PPP1R12B: variants seen among roughly 807,000 people sequenced by gnomAD.
PPP1R12B encodes myosin phosphatase target subunit 2.
Under a neutral mutation model 126.1 loss-of-function variants are expected in PPP1R12B, and 76 were observed. That is an observed-to-expected ratio of 0.60 (90% CI 0.50 to 0.73). The LOEUF is 0.73. Among genes scored for constraint, PPP1R12B ranks in the 30% least tolerant of loss-of-function variants. The pLI, the probability that PPP1R12B is intolerant of heterozygous loss-of-function variation, is 0.00. For missense variants in PPP1R12B, 1,052 were observed against 1,205.1 expected (o/e 0.87, Z 1.88); for synonymous variants, 356 against 434.7 (o/e 0.82, Z 2.25).
intron 18 of PPP1R12B, among the ~76,000 whole-genome samples, chr1:202,522,032 A>C (rs1682841508): frequency 6.6e-6 from 1 of 152,210 alleles, no homozygotes; most frequent in South Asian, 2.1e-4. Context: ...AGATACCAGA[A>C]AACTGACTAG....
chr1:202,366,630 A>C (rs1286246827), intron 1 of PPP1R12B, among the ~76,000 whole-genome samples: 1 of 152,140 alleles, frequency 6.6e-6, no homozygotes, highest in Non-Finnish European at 1.5e-5. Flanking sequence ...TGAATATTAA[A>C]TAAATAGACT....
chr1:202,523,440 C>T (rs1181290911), intron 18 of PPP1R12B, among the ~76,000 whole-genome samples: 1 of 152,090 alleles, frequency 6.6e-6, no homozygotes, highest in Non-Finnish European at 1.5e-5. Flanking sequence ...AAGGAGTTAG[C>T]CACAAAGATA....
chr1:202,373,517 A>G (rs1387045333), intron 1 of PPP1R12B, among the ~76,000 whole-genome samples: 2 of 152,104 alleles, frequency 1.3e-5, no homozygotes, highest in Non-Finnish European at 2.9e-5. Flanking sequence ...AGGGGGGTCC[A>G]TCTTTATTCT....
At chr1:202,437,106 G>A (rs1476957521) in intron 9 of PPP1R12B, among the ~76,000 whole-genome samples, 1 of 152,106 alleles carries the variant, frequency 6.6e-6, no homozygotes, top group Non-Finnish European at 1.5e-5. Context: ...GAGATGCGAG[G>A]ATTGCTCGAG....
chr1:202,541,897 T>C (rs766425569), intron 18 of PPP1R12B, among the ~76,000 whole-genome samples: 7 of 152,172 alleles, frequency 4.6e-5, no homozygotes, highest in Non-Finnish European at 7.3e-5. Flanking sequence ...TACAGGAAAC[T>C]AAAACACAGA....
rs942380160 is a variant in PPP1R12B at position 202,588,732 on chromosome 1, T to C, written c.*8172T>C. On this transcript the variant is annotated 3_prime_UTR_variant, in exon 24 of 24. Coordinates refer to ENST00000608999, the MANE Select transcript of PPP1R12B (RefSeq NM_002481.4). ...CCCCAGGGACAGCCACAGTGAGTCATGGCCACTGAGAAGGGTCTCTGGTAG... is the reference window on the plus strand; with the variant it reads ...CCCCAGGGACAGCCACAGTGAGTCACGGCCACTGAGAAGGGTCTCTGGTAG... The C allele has an allele frequency of 6.6e-6, 1 of 152,012 alleles. No homozygotes were observed. The highest frequency in any genetic ancestry group is 1.5e-5 in the Non-Finnish European group (1 of 68,032). The allele number at this position is 152,012 out of a possible 1,614,324, so 9.4% of individuals were successfully genotyped here.
intron 1 of PPP1R12B, among the ~76,000 whole-genome samples, chr1:202,357,260 C>T (rs1657284083): frequency 6.6e-6 from 1 of 152,112 alleles, no homozygotes; most frequent in Admixed American, 6.6e-5. Flanking sequence ...AACCGACAAA[C>T]AGTGATATTG....
At chr1:202,471,575 G>GT (rs71142533) in intron 13 of PPP1R12B, among the ~76,000 whole-genome samples, 20,482 of 113,504 alleles carry the variant, frequency 0.18, 1,988 homozygotes, top group Non-Finnish European at 0.24. Flanking sequence ...GACTTAAAAT[G>GT]TTTTTTTTTT....
At chr1:202,367,634 A>G (rs183438131) in intron 1 of PPP1R12B, among the ~76,000 whole-genome samples, 1 of 152,326 alleles carries the variant, frequency 6.6e-6, no homozygotes, top group East Asian at 1.9e-4. Context: ...ATGGCTTGCA[A>G]ATGTCACCTT....
intron 18 of PPP1R12B, among the ~76,000 whole-genome samples, chr1:202,517,943 C>T (rs1371585668): frequency 1.3e-5 from 2 of 152,172 alleles, no homozygotes; most frequent in Non-Finnish European, 2.9e-5. Flanking sequence ...CATTTTTTTA[C>T]CAGTCATGAT....
chr1:202,556,877 A>G (rs1415265591), intron 18 of PPP1R12B, among the ~76,000 whole-genome samples: 2 of 152,218 alleles, frequency 1.3e-5, no homozygotes, highest in Admixed American at 6.5e-5. Flanking sequence ...GTCACAATAA[A>G]TAGTTTTCCT....
chr1:202,413,131 G>T (rs1293834729), intron 1 of PPP1R12B, among the ~76,000 whole-genome samples: 1 of 151,744 alleles, frequency 6.6e-6, no homozygotes, highest in Non-Finnish European at 1.5e-5. Context: ...TGGCCAGAAG[G>T]TCAGATTGGA....
chr1:202,571,509 T>C (rs1022477318), intron 23 of PPP1R12B, among the ~76,000 whole-genome samples: 7 of 152,132 alleles, frequency 4.6e-5, no homozygotes, highest in Non-Finnish European at 8.8e-5. Flanking sequence ...AGTGGCACAA[T>C]GTCGGCTTAC....
chr1:202,580,778 A>T lies in PPP1R12B; in HGVS notation c.*218A>T, dbSNP rs1428335921. On this transcript the variant is annotated 3_prime_UTR_variant, in exon 24 of 24. Coordinates refer to ENST00000608999, the MANE Select transcript of PPP1R12B (RefSeq NM_002481.4). Reference sequence around the variant, plus strand: ...CTATCCCAAGTTTTATGACAGTTTTAATTGAAGCATGATTGTGGTAATTCG... The same window carrying T: ...CTATCCCAAGTTTTATGACAGTTTTTATTGAAGCATGATTGTGGTAATTCG... 1.2e-5 allele frequency: 6 copies of T among 509,066 alleles called. No homozygotes were observed. Among genetic ancestry groups the T allele is most frequent in the African/African-American group, 1.9e-5 (1 of 51,932 alleles). The allele number at this position is 509,066 out of a possible 1,614,324, so 31.5% of individuals were successfully genotyped here.
At chr1:202,382,422 TAAAA>T (rs200012728) in intron 1 of PPP1R12B, among the ~76,000 whole-genome samples, 1 of 101,398 alleles carries the variant, frequency 9.9e-6, no homozygotes, top group Non-Finnish European at 2.1e-5. Flanking sequence ...TAAAGTATAA[TAAAA>T]AAAATATATA....
chr1:202,481,808 A>T (rs1677414866), intron 13 of PPP1R12B, among the ~76,000 whole-genome samples: 1 of 152,200 alleles, frequency 6.6e-6, no homozygotes, highest in African/African-American at 2.4e-5. Context: ...ACTCTGCAAT[A>T]GAACATCAGA....
chr1:202,400,994 A>C (rs1328748989), intron 1 of PPP1R12B, among the ~76,000 whole-genome samples: 1 of 152,210 alleles, frequency 6.6e-6, no homozygotes, highest in Non-Finnish European at 1.5e-5. Flanking sequence ...TAGCTGAAAA[A>C]GAAGTAAAAT....
rs35632865 is a variant in PPP1R12B, at chr1:202,408,843, CTTTTTTTT to C, written c.292-7931_292-7924del. Among the ~76,000 whole-genome samples, 258 of 113,346 alleles carry C rather than the reference CTTTTTTTT, an allele frequency of 2.3e-3. 2 individuals carry two copies. The highest frequency in any genetic ancestry group is 7.5e-3 in the African/African-American group (243 of 32,450). The allele number at this position is 113,346 out of a possible 152,430, so 74.4% of individuals were successfully genotyped here. A position where few individuals can be genotyped will look rare whatever the true frequency, so the allele number is the denominator to read the frequency against. On this transcript the variant is annotated intron_variant, in intron 1 of 23. Transcript: ENST00000608999. ...TGCTTTCAATTATTATTATTTCTTT[CTTTTTTTT>C]TTTTTTTTTTTTGAGACAGGGTTTC...
Position 202,437,924 on chromosome 1 carries a change from A to G in PPP1R12B, c.1358A>G (p.Glu453Gly). 1 of 1,613,918 alleles carries G rather than the reference A, an allele frequency of 6.2e-7. No homozygotes were observed. The highest frequency in any genetic ancestry group is 1.7e-5 in the Admixed American group (1 of 60,014). ...RKTGSHNMLSEVANSREPIRD... is the reference protein window; with the variant it reads ...RKTGSHNMLSGVANSREPIRD... ...ACTGGCAGCCACAACATGCTGAGTG[A>G]GGTGGCCAATTCCAGGGAACCTATA... Residue 453 changes from glutamate to glycine, a missense_variant, in exon 10 of 24, where the codon GAG (glutamate) becomes GGG (glycine). Coordinates refer to ENST00000608999, the MANE Select transcript of PPP1R12B (RefSeq NM_002481.4).
Sources: gnomAD v4.1 joint callset for allele counts (sites outside exome capture counted in the v4.1 genomes callset) on GRCh38, gnomAD v4.1.1 for gene constraint, MANE v1.5 for transcripts, NCBI Gene and HGNC (gene_info 2026-07-23, HGNC 2026-07-21) for gene names.